SLC1A7: variants seen among roughly 807,000 people sequenced by gnomAD.
SLC1A7 encodes excitatory amino acid transporter 5.
In SLC1A7, 40 loss-of-function variants were observed where a neutral mutation model predicts 47.7. The ratio of observed to expected loss-of-function variants is 0.84; its 90% CI spans 0.65 to 1.09. The LOEUF is 1.09. Among genes scored for constraint, SLC1A7 ranks in the 50% least tolerant of loss-of-function variants. The pLI is 0.00. For synonymous variants in SLC1A7, 323 were observed against 325.6 expected, an observed-to-expected ratio of 0.99 and a Z score of 0.09; for missense variants, 746 against 769.5, an observed-to-expected ratio of 0.97 and a Z score of 0.36.
intron 3 of SLC1A7, among the ~76,000 whole-genome samples, chr1:53,109,733 C>G (rs536523617): frequency 6.6e-6 from 1 of 152,164 alleles, no homozygotes; most frequent in African/African-American, 2.4e-5. Context: ...CTGCCAGTGT[C>G]CCCATCTCCT....
At chr1:53,121,084 T>C (rs1185500874) in intron 2 of SLC1A7, among the ~76,000 whole-genome samples, 2 of 152,206 alleles carry the variant, frequency 1.3e-5, no homozygotes, top group African/African-American at 4.8e-5. Flanking sequence ...TCAATTGTTA[T>C]AATTTCCTCT....
At chr1:53,088,744 G>A (rs565647804) in intron 10 of SLC1A7, 133 bp downstream of exon 10, 7 of 687,212 alleles carry the variant, frequency 1.0e-5, no homozygotes, top group African/African-American at 7.0e-5. Context: ...TAACGGATGA[G>A]GAGACCGAGG....
intron 2 of SLC1A7, among the ~76,000 whole-genome samples, chr1:53,130,501 A>T (rs907299872): frequency 3.6e-5 from 1 of 28,048 alleles, no homozygotes. Context: ...CCATCCCCCC[A>T]CTCCCCCGCT....
intron 5 of SLC1A7, among the ~76,000 whole-genome samples, chr1:53,094,687 C>G (rs1644464193): frequency 6.6e-6 from 1 of 152,190 alleles, no homozygotes. Context: ...GCCTGTCTTC[C>G]TGCCGCCTGG....
chr1:53,136,859 G>C (rs1645006045), intron 1 of SLC1A7, among the ~76,000 whole-genome samples: 1 of 151,600 alleles, frequency 6.6e-6, no homozygotes, highest in Admixed American at 6.6e-5. Context: ...TAGAGACAGT[G>C]TCTCACTATG....
chr1:53,088,200 C>T lies in SLC1A7; in HGVS notation c.1492G>A (p.Val498Met). 1 of 1,611,508 alleles carries T rather than the reference C, an allele frequency of 6.2e-7. No homozygotes were observed. The highest frequency in any genetic ancestry group is 1.1e-5 in the South Asian group (1 of 90,468). The change falls in exon 11 of 11, where the codon GTG becomes ATG. Residue 498 changes from valine (V) to methionine (M), a missense_variant. Transcript: ENST00000371494. ...EKLLPCETKP[V>M]SLQEIVAAQQ... is the part of the protein sequence containing the mutation. ...GCTGCCACGATCTCCTGGAGGCTCA[C>T]TGGCTTGGTCTCGCAGGGCAGCAGT...
rs188502001 is a variant in SLC1A7, at chr1:53,140,366, A to G, written c.135+1949T>C. On this transcript the variant is annotated intron_variant, in intron 1 of 10. Coordinates refer to ENST00000371494, the MANE Select transcript of SLC1A7 (RefSeq NM_006671.6). ...TTTTTGTTGCTGAGGAAAATTAAAGAGAACAGATTGCAGATTTTTTTGTTC... is the reference window on the plus strand; with the variant it reads ...TTTTTGTTGCTGAGGAAAATTAAAGGGAACAGATTGCAGATTTTTTTGTTC... 3.9e-5 allele frequency among the ~76,000 whole-genome samples: 6 copies of G among 152,342 alleles called. No homozygotes were observed. The East Asian group carries it at 5.8e-4, about 15-fold the overall frequency.
Position 53,103,345 on chromosome 1 carries a change from C to T in SLC1A7, c.697+1G>A. On this transcript the variant is annotated splice_donor_variant, in intron 5 of 10. Coordinates refer to ENST00000371494, the MANE Select transcript of SLC1A7 (RefSeq NM_006671.6). LOFTEE classifies it high-confidence loss of function. ...CTGCTGGGCAGGTGGGCAGCACATA[C>T]CCATGGTGGCAGAGAAGAAGACGAT... The T allele has an allele frequency of 6.3e-7, 1 of 1,591,776 alleles. No individual in the cohort carries two copies. The highest frequency in any genetic ancestry group is 8.5e-7 in the Non-Finnish European group (1 of 1,169,902).
chr1:53,090,354 T>A, intron 8 of SLC1A7: 1 of 568,920 alleles, frequency 1.8e-6, no homozygotes, highest in East Asian at 3.1e-5. Context: ...CCAGCACCCC[T>A]TCGTTGGCTC....
At chr1:53,105,832 G>A in intron 3 of SLC1A7, 58 bp from the exon 4 acceptor site, 8 of 1,451,512 alleles carry the variant, frequency 5.5e-6, no homozygotes, top group Non-Finnish European at 7.7e-6. Flanking sequence ...GGGCCCTGGG[G>A]GTTGTGGCCT....
intron 1 of SLC1A7, among the ~76,000 whole-genome samples, chr1:53,140,370 C>T (rs1645045114): frequency 6.6e-6 from 1 of 152,072 alleles, no homozygotes; most frequent in South Asian, 2.1e-4. Context: ...TTAAAGAGAA[C>T]AGATTGCAGA....
At chr1:53,111,171 T>G (rs1644697483) in intron 3 of SLC1A7, among the ~76,000 whole-genome samples, 1 of 150,184 alleles carries the variant, frequency 6.7e-6, no homozygotes, top group African/African-American at 2.5e-5. Context: ...GCCTGGGAGG[T>G]CTCAGGAGAG....
At chr1:53,136,798 C>G (rs184397832) in intron 1 of SLC1A7, among the ~76,000 whole-genome samples, 83 of 151,354 alleles carry the variant, frequency 5.5e-4, no homozygotes, top group African/African-American at 1.8e-3. Flanking sequence ...TCCCGAGTAG[C>G]TGAGACCACA....
At position 53,090,018 on chromosome 1, in the gene SLC1A7, G is replaced by A. The variant is rs899654912; in HGVS notation, c.1227-84C>T. The A allele has an allele frequency of 4.0e-6, 6 of 1,493,314 alleles. No individual in the cohort carries two copies. The Admixed American group carries it at 8.8e-5, about 22-fold the overall frequency. 92.5% of individuals were successfully genotyped at this position (1,493,314 alleles called of 1,614,324 possible). ...TCTGGCTCCAAGGAAGAGGTTGAGT[G>A]TCAGGGCCTCTGGGACAGCCATTTG... On this transcript the variant is annotated intron_variant, in intron 8 of 10. Coordinates refer to ENST00000371494, the MANE Select transcript of SLC1A7 (RefSeq NM_006671.6).
intron 1 of SLC1A7, among the ~76,000 whole-genome samples, chr1:53,136,472 C>T (rs1183010973): frequency 2.7e-5 from 4 of 146,992 alleles, no homozygotes; most frequent in Non-Finnish European, 4.5e-5. Flanking sequence ...GGATTACAGG[C>T]GTGAGCCACC....
intron 2 of SLC1A7, among the ~76,000 whole-genome samples, chr1:53,121,743 G>A (rs913799352): frequency 2.0e-5 from 3 of 152,222 alleles, no homozygotes; most frequent in Non-Finnish European, 2.9e-5. Context: ...AAACACCGGG[G>A]TGGGAGGGGG....
Position 53,089,795 on chromosome 1 carries a change from C to A in SLC1A7, c.1361+5G>T. ...GGGCTAGAGCTAGAGGCAAAGTCCA[C>A]TCACAGAGCCCAGTCAACGGCAATG... On this transcript the variant is annotated splice_donor_5th_base_variant and intron_variant, in intron 9 of 10. Coordinates refer to ENST00000371494, the MANE Select transcript of SLC1A7 (RefSeq NM_006671.6). 1 of 1,613,808 alleles carries A rather than the reference C, an allele frequency of 6.2e-7. No homozygotes were observed. The highest frequency in any genetic ancestry group is 1.1e-5 in the South Asian group (1 of 91,022).
At chr1:53,100,910 A>G (rs1644568695) in intron 5 of SLC1A7, among the ~76,000 whole-genome samples, 4 of 149,256 alleles carry the variant, frequency 2.7e-5, no homozygotes, top group African/African-American at 2.5e-5. Context: ...ATACATTCAC[A>G]CACCCCACCT....
chr1:53,134,283 G>T, intron 2 of SLC1A7, 67 bp downstream of exon 2: 1 of 1,160,484 alleles, frequency 8.6e-7, no homozygotes, highest in East Asian at 2.4e-5. Flanking sequence ...AGCAGGAGCA[G>T]GGCAGCAACA....
Sources: gnomAD v4.1 joint callset for allele counts (sites outside exome capture counted in the v4.1 genomes callset) on GRCh38, gnomAD v4.1.1 for gene constraint, MANE v1.5 for transcripts, NCBI Gene and HGNC (gene_info 2026-07-23, HGNC 2026-07-21) for gene names.